PTPRT: variants seen among roughly 807,000 people sequenced by gnomAD.
The protein encoded by PTPRT is receptor-type tyrosine-protein phosphatase T.
A neutral mutation model predicts 176.8 loss-of-function variants in PTPRT; 56 were observed. That is an observed-to-expected ratio of 0.32 (90% CI 0.26 to 0.40). The LOEUF is 0.40. Ranked by LOEUF, PTPRT falls within the 10% of genes least tolerant of loss-of-function variation. The pLI is 1.00. For missense variants in PTPRT, 1,540 were observed against 1,908.2 expected (o/e 0.81, Z 3.60); for synonymous variants, 783 against 739.0 (o/e 1.06, Z -0.96).
chr20:42,558,045 G>A (rs2072890087), intron 7 of PTPRT, among the ~76,000 whole-genome samples: 1 of 152,154 alleles, frequency 6.6e-6, no homozygotes, highest in Admixed American at 6.5e-5. Flanking sequence ...ATAAACTTGT[G>A]TCATGGGGGT....
intron 12 of PTPRT, among the ~76,000 whole-genome samples, chr20:42,312,662 C>T (rs561682759): frequency 1.8e-4 from 27 of 152,058 alleles, no homozygotes; most frequent in East Asian, 5.8e-4. Context: ...GCCTGTGTTT[C>T]GTTACTGGGA....
At chr20:42,960,308 G>A (rs1297369191) in intron 1 of PTPRT, among the ~76,000 whole-genome samples, 1 of 152,136 alleles carries the variant, frequency 6.6e-6, no homozygotes, top group African/African-American at 2.4e-5. Context: ...TTTGGTGTCT[G>A]GTGAGAGCCT....
Position 42,073,271 on chromosome 20 carries a change from T to C in PTPRT, c.*7608A>G, listed in dbSNP as rs891442040. 1 of 188,946 alleles carries C rather than the reference T, an allele frequency of 5.3e-6. No individual in the cohort carries two copies. The highest frequency in any genetic ancestry group is 1.1e-5 in the Non-Finnish European group (1 of 89,616). The allele number at this position is 188,946 out of a possible 1,614,324, so 11.7% of individuals were successfully genotyped here. A position where few individuals can be genotyped will look rare whatever the true frequency, so the allele number is the denominator to read the frequency against. On this transcript the variant is annotated 3_prime_UTR_variant, in exon 31 of 31. Transcript: ENST00000373187. Reference sequence around the variant, plus strand: ...CCACAACTCTTTGTCTTTGATTGGCTAGTAGAATGTAGGGTGAAAAGTGCT... The same window carrying C: ...CCACAACTCTTTGTCTTTGATTGGCCAGTAGAATGTAGGGTGAAAAGTGCT...
At chr20:42,040,721 C>T in the PTPRT span, among the ~76,000 whole-genome samples, 1 of 152,212 alleles carries the variant, frequency 6.6e-6, no homozygotes, top group African/African-American at 2.4e-5. Flanking sequence ...TGATCAAGAT[C>T]TGACATAAAT....
chr20:43,083,345 T>TATATATATATATATAC (rs2011505579), intron 1 of PTPRT, among the ~76,000 whole-genome samples: 11 of 117,364 alleles, frequency 9.4e-5, no homozygotes, highest in East Asian at 4.9e-4. Context: ...TATATATATA[T>TATATATATATATATAC]ATATATATAT....
intron 1 of PTPRT, among the ~76,000 whole-genome samples, chr20:43,009,652 C>T (rs958502185): frequency 1.6e-4 from 24 of 152,100 alleles, no homozygotes; most frequent in African/African-American, 5.3e-4. Context: ...AGGGCCATCC[C>T]GTGACGCGTA....
chr20:42,603,548 T>C (rs902455155), intron 7 of PTPRT, among the ~76,000 whole-genome samples: 24 of 152,104 alleles, frequency 1.6e-4, no homozygotes, highest in Non-Finnish European at 2.8e-4. Flanking sequence ...TGCTGGGCCT[T>C]GTGGGCCATA....
chr20:42,383,130 A>ATAAGTT (rs2058712544), intron 9 of PTPRT, among the ~76,000 whole-genome samples: 1 of 152,216 alleles, frequency 6.6e-6, no homozygotes, highest in African/African-American at 2.4e-5. Flanking sequence ...GTGAGCAATT[A>ATAAGTT]TAAGTTTCAT....
At chr20:42,678,896 T>C (rs2075554435) in intron 6 of PTPRT, among the ~76,000 whole-genome samples, 1 of 152,134 alleles carries the variant, frequency 6.6e-6, no homozygotes, top group South Asian at 2.1e-4. Flanking sequence ...ACACACAGAT[T>C]GTTAGTGAAG....
At chr20:42,582,981 T>C in intron 7 of PTPRT, among the ~76,000 whole-genome samples, 1 of 152,124 alleles carries the variant, frequency 6.6e-6, no homozygotes, top group East Asian at 1.9e-4. Context: ...ATCGGCAAAC[T>C]CTTTACAGAC....
chr20:42,337,156 C>G (rs945494222), intron 11 of PTPRT, among the ~76,000 whole-genome samples: 6 of 148,898 alleles, frequency 4.0e-5, no homozygotes, highest in East Asian at 1.9e-4. Flanking sequence ...ATTTAGAAGC[C>G]CCCCCTTCCC....
At chr20:42,121,924 TCAAATACCG>T (rs1249842776) in intron 19 of PTPRT, among the ~76,000 whole-genome samples, 8 of 152,016 alleles carry the variant, frequency 5.3e-5, no homozygotes, top group Admixed American at 3.9e-4. Context: ...AAACAGAAAG[TCAAATACCG>T]CATGTTTTCA....
chr20:42,434,488 C>T (rs1276502014), intron 9 of PTPRT, among the ~76,000 whole-genome samples: 1 of 151,938 alleles, frequency 6.6e-6, no homozygotes, highest in Non-Finnish European at 1.5e-5. Context: ...TCACTGGAAC[C>T]TCATATAGTC....
At chr20:42,669,833 C>G (rs2075383036) in intron 7 of PTPRT, among the ~76,000 whole-genome samples, 1 of 152,114 alleles carries the variant, frequency 6.6e-6, no homozygotes, top group Non-Finnish European at 1.5e-5. Flanking sequence ...GGATTCACTT[C>G]CAATCCCTTT....
intron 2 of PTPRT, among the ~76,000 whole-genome samples, chr20:42,879,424 G>A (rs541439835): frequency 6.6e-6 from 1 of 152,106 alleles, no homozygotes; most frequent in Non-Finnish European, 1.5e-5. Context: ...ATGTGTGTAT[G>A]TATCTTTGCC....
At chr20:42,984,712 G>C in intron 1 of PTPRT, among the ~76,000 whole-genome samples, 1 of 152,224 alleles carries the variant, frequency 6.6e-6, no homozygotes, top group East Asian at 1.9e-4. Flanking sequence ...AATAGGCTCA[G>C]AGAAGTTCTT....
intron 1 of PTPRT, among the ~76,000 whole-genome samples, chr20:43,070,883 G>A (rs12481034): frequency 0.12 from 17,749 of 151,170 alleles, 1,441 homozygotes; most frequent in African/African-American, 0.22. Flanking sequence ...CGAGTTAATG[G>A]GTGCAGCACA....
chr20:43,169,204 C>T (rs1457978416), intron 1 of PTPRT, among the ~76,000 whole-genome samples: 3 of 152,184 alleles, frequency 2.0e-5, no homozygotes, highest in African/African-American at 7.2e-5. Context: ...AATGGTATGC[C>T]TGAAAATACT....
intron 27 of PTPRT, among the ~76,000 whole-genome samples, chr20:42,097,881 A>G (rs914486205): frequency 6.6e-6 from 1 of 152,140 alleles, no homozygotes; most frequent in Non-Finnish European, 1.5e-5. Flanking sequence ...TGATGCTTGG[A>G]GCTATCAGAA....
Sources: allele counts gnomAD v4.1 joint callset (sites outside exome capture counted in the v4.1 genomes callset), GRCh38; gene constraint gnomAD v4.1.1; transcripts MANE v1.5; gene names NCBI Gene and HGNC (gene_info 2026-07-23, HGNC 2026-07-21).